Variants in HAVCR1 observed in about 807,000 individuals in gnomAD.
HAVCR1 encodes hepatitis A virus cellular receptor 1, also known as T cell immunoglobin domain and mucin domain protein 1.
Under a neutral mutation model 32.0 loss-of-function variants are expected in HAVCR1, and 34 were observed. The ratio of observed to expected loss-of-function variants is 1.06; its 90% confidence interval spans 0.81 to 1.42. The LOEUF (loss-of-function observed/expected upper bound fraction) is 1.42, where lower values mean the gene tolerates loss of function less well. HAVCR1 is among the 40% of genes most tolerant of loss of function. The probability of loss-of-function intolerance (pLI) is 0.00; values close to 1 mark genes in which losing one functional copy is unlikely to be tolerated. For missense variants in HAVCR1, 420 were observed against 442.3 expected (o/e 0.95, Z 0.45); for synonymous variants, 178 against 170.3 (o/e 1.05, Z -0.35).
At chr5:157,066,281 TGCAGTAAAAAGTTTACAA>T in the HAVCR1 span, among the ~76,000 whole-genome samples, 6 of 152,102 alleles carry the variant, frequency 3.9e-5, no homozygotes, top group Non-Finnish European at 8.8e-5. Flanking sequence ...TACTTTATAC[TGCAGTAAAAAGTTTACAA>T]GAAGGAAAAT....
chr5:157,044,323 C>T lies in HAVCR1; in HGVS notation c.782-1641G>A, dbSNP rs1178686324. 2.2e-5 allele frequency among the ~76,000 whole-genome samples: 3 copies of T among 137,876 alleles called. No homozygotes were observed. In the East Asian group the frequency reaches 6.3e-4, roughly 29 times the overall value. 90.5% of individuals were successfully genotyped at this position (137,876 alleles called of 152,430 possible). A position where few individuals can be genotyped will look rare whatever the true frequency, so the allele number is the denominator to read the frequency against. On this transcript the variant is annotated intron_variant, in intron 5 of 8. Transcript: ENST00000523175. ...CTCCAGCCTGGGCAACAGAGTGAGACTGAGAAAGAAGGAAGGAAAGGGAAG... is the reference window on the plus strand; with the variant it reads ...CTCCAGCCTGGGCAACAGAGTGAGATTGAGAAAGAAGGAAGGAAAGGGAAG...
chr5:157,056,244 T>C (rs975951124), intron 2 of HAVCR1, among the ~76,000 whole-genome samples: 1 of 151,698 alleles, frequency 6.6e-6, no homozygotes, highest in Non-Finnish European at 1.5e-5. Flanking sequence ...AAATAGACAT[T>C]ATAGCTGGAA....
chr5:157,038,098 G>C (rs1754648957), intron 6 of HAVCR1, among the ~76,000 whole-genome samples: 1 of 152,096 alleles, frequency 6.6e-6, no homozygotes. Context: ...TTTTGTCCTT[G>C]GTTACAGTCC....
upstream of HAVCR1, among the ~76,000 whole-genome samples, chr5:157,063,312 C>G (rs1176612305): frequency 6.3e-5 from 8 of 127,940 alleles, no homozygotes; most frequent in South Asian, 2.0e-3. Context: ...TGAGATGGAG[C>G]TTCGCTTTTT....
chr5:157,064,250 C>T, the HAVCR1 span, among the ~76,000 whole-genome samples: 1 of 150,340 alleles, frequency 6.7e-6, no homozygotes, highest in African/African-American at 2.5e-5. Flanking sequence ...TGATGGCTCA[C>T]AGCTGTAATC....
chr5:157,029,552 G>A lies in HAVCR1; in HGVS notation c.*181C>T, dbSNP rs1255304440. ...AAAATTAGGACTACATTAATGATGAGGTTGACTATACACAGTTTGGAGTGA... is the reference window on the plus strand; with the variant it reads ...AAAATTAGGACTACATTAATGATGAAGTTGACTATACACAGTTTGGAGTGA... On this transcript the variant is annotated 3_prime_UTR_variant, in exon 9 of 9. Transcript: ENST00000523175. The A allele has an allele frequency of 1.4e-6, 2 of 1,478,934 alleles. No homozygotes were observed. Among genetic ancestry groups the A allele is most frequent in the Non-Finnish European group, 1.8e-6 (2 of 1,094,524 alleles). The allele number at this position is 1,478,934 out of a possible 1,614,324, so 91.6% of individuals were successfully genotyped here.
At chr5:157,055,148 C>G in intron 3 of HAVCR1, 53 bp downstream of exon 3, 2 of 972,072 alleles carry the variant, frequency 2.1e-6, no homozygotes, top group Non-Finnish European at 3.1e-6. Context: ...AAGAAAATTA[C>G]TACCGAACAG....
the HAVCR1 span, among the ~76,000 whole-genome samples, chr5:157,067,792 G>A: frequency 1.3e-5 from 2 of 152,166 alleles, no homozygotes; most frequent in Non-Finnish European, 2.9e-5. Flanking sequence ...GGGTTAAAGC[G>A]ATTCTCCTGT....
At position 157,029,816 on chromosome 5, in the gene HAVCR1, T is replaced by G. The variant is rs368278246; in HGVS notation, c.1012A>C (p.Lys338Gln). Residue 338 changes from lysine to glutamine, a missense_variant, in exon 9 of 9, where the codon AAA becomes CAA. Lys to Gln is a moderately conservative substitution (Grantham distance 53, BLOSUM62 1). Transcript: ENST00000523175. Reference sequence around the variant, plus strand: ...TTTTCAACTGCATTTTGCAAAGCTTTAATTTGAAGGCTGCTAAATGAAACA... The same window carrying G: ...TTTTCAACTGCATTTTGCAAAGCTTGAATTTGAAGGCTGCTAAATGAAACA... ...LSVSFSSLQIKALQNAVEKEV... is the reference protein window; with the variant it reads ...LSVSFSSLQIQALQNAVEKEV... The G allele has an allele frequency of 8.1e-6, 13 of 1,612,602 alleles. No homozygotes were observed. The highest frequency in any genetic ancestry group is 5.0e-5 in the Admixed American group (3 of 59,940).
chr5:157,066,138 G>A, the HAVCR1 span, among the ~76,000 whole-genome samples: 7 of 150,348 alleles, frequency 4.7e-5, no homozygotes, highest in South Asian at 1.5e-3. Flanking sequence ...AAGAGAAAAA[G>A]CAAAAAGGTC....
At chr5:157,050,123 C>G (rs1329521730) in intron 4 of HAVCR1, among the ~76,000 whole-genome samples, 1 of 152,208 alleles carries the variant, frequency 6.6e-6, no homozygotes, top group Non-Finnish European at 1.5e-5. Flanking sequence ...TTCTCCACCA[C>G]AGTCTCAATA....
Position 157,055,206 on chromosome 5 carries a change from A to T in HAVCR1, c.374T>A (p.Val125Glu), listed in dbSNP as rs1462092917. 1 of 1,495,980 alleles carries T rather than the reference A, an allele frequency of 6.7e-7. No homozygotes were observed. Among genetic ancestry groups the T allele is most frequent in the Non-Finnish European group, 9.1e-7 (1 of 1,099,726 alleles). The allele number at this position is 1,495,980 out of a possible 1,614,324, so 92.7% of individuals were successfully genotyped here. A position where few individuals can be genotyped will look rare whatever the true frequency, so the allele number is the denominator to read the frequency against. The stretch of plus-strand genomic sequence containing the variant: ...AATATCAAAGAAAAACTTACGTGGC[A>T]CAATCTCCAATGATACGGTGATTTT... Reference protein sequence around the residue: ...DMKITVSLEIVPPKVTTTPIV... With the variant: ...DMKITVSLEIEPPKVTTTPIV... Residue 125 changes from valine to glutamate, a missense_variant, in exon 3 of 9, where the codon GTG (valine) becomes GAG (glutamate). Physicochemically the swap from Val to Glu is moderately radical, Grantham distance 121. Transcript: ENST00000523175.
intron 8 of HAVCR1, 60 bp from the exon 9 acceptor site, chr5:157,029,901 A>G: frequency 7.1e-7 from 1 of 1,416,436 alleles, no homozygotes; most frequent in Non-Finnish European, 9.8e-7. Flanking sequence ...CACTTCTCAC[A>G]TATAAGCTGC....
At chr5:157,037,075 T>G (rs1340952165) in intron 7 of HAVCR1, 172 bp downstream of exon 7, 2 of 612,348 alleles carry the variant, frequency 3.3e-6, no homozygotes, top group Non-Finnish European at 5.8e-6. Context: ...AAACTTCATT[T>G]CCCTTCCCCC....
chr5:157,058,108 G>T, intron 1 of HAVCR1, 153 bp from the exon 2 acceptor site: 1 of 629,578 alleles, frequency 1.6e-6, no homozygotes, highest in South Asian at 1.8e-5. Flanking sequence ...CACATATAAC[G>T]GCTTCAGAGC....
chr5:157,068,675 GTT>G, the HAVCR1 span, among the ~76,000 whole-genome samples: 219 of 150,888 alleles, frequency 1.5e-3, 1 homozygote, highest in Non-Finnish European at 2.5e-3. Context: ...TTGAGACAGA[GTT>G]TTCTGGCTCA....
At chr5:157,062,549 A>C (rs938093159), upstream of HAVCR1, among the ~76,000 whole-genome samples, 5 of 152,058 alleles carry the variant, frequency 3.3e-5, no homozygotes, top group Non-Finnish European at 5.9e-5. Flanking sequence ...GGCCCCCTCC[A>C]CAACTAGGGA....
rs1426121287 is a variant in HAVCR1, at chr5:157,044,434, A to G, written c.782-1752T>C. ...GAAGGAAGGAAGGAGAAAGAAAGAA[A>G]GAAAGAAAGAAAGAAAGAAAGAAAG... On this transcript the variant is annotated intron_variant, in intron 5 of 8. Transcript: ENST00000523175. 1.9e-3 allele frequency among the ~76,000 whole-genome samples: 63 copies of G among 33,776 alleles called. 1 individual carries two copies. Among genetic ancestry groups the G allele is most frequent in the East Asian group, 3.3e-3 (5 of 1,516 alleles). 22.2% of individuals were successfully genotyped at this position (33,776 alleles called of 152,430 possible).
chr5:157,047,819 C>T (rs745812141), intron 5 of HAVCR1, among the ~76,000 whole-genome samples: 12 of 152,124 alleles, frequency 7.9e-5, no homozygotes, highest in Non-Finnish European at 1.3e-4. Flanking sequence ...TGAAACTGGC[C>T]GCTCAGAAGT....
Sources: allele counts gnomAD v4.1 joint callset (sites outside exome capture counted in the v4.1 genomes callset), GRCh38; gene constraint gnomAD v4.1.1; transcripts MANE v1.5; gene names NCBI Gene and HGNC (gene_info 2026-07-23, HGNC 2026-07-21).